CDH13: variants seen among roughly 807,000 people sequenced by gnomAD.
The protein encoded by CDH13 is cadherin-13.
CDH13 carries 24 observed loss-of-function variants against 63.8 expected under a neutral mutation model. That is an observed-to-expected ratio of 0.38 (90% CI 0.27 to 0.53). The LOEUF (loss-of-function observed/expected upper bound fraction) is 0.53, where lower values mean the gene tolerates loss of function less well. CDH13 is among the 20% of genes least tolerant of loss of function. The probability of loss-of-function intolerance (pLI) is 0.85; values close to 1 mark genes in which losing one functional copy is unlikely to be tolerated. For synonymous variants in CDH13, 503 were observed against 355.3 expected (o/e 1.42, Z -4.67); for missense variants, 1,049 against 903.1 (o/e 1.16, Z -2.07).
chr16:83,105,153 G>T (rs1276003555), intron 3 of CDH13, among the ~76,000 whole-genome samples: 1 of 152,124 alleles, frequency 6.6e-6, no homozygotes, highest in Non-Finnish European at 1.5e-5. Context: ...TTTAAGAGGA[G>T]GATCGATTTC....
chr16:83,102,919 TTTTTC>T (rs2034557813), intron 3 of CDH13, among the ~76,000 whole-genome samples: 1 of 108,176 alleles, frequency 9.2e-6, no homozygotes, highest in African/African-American at 3.9e-5. Flanking sequence ...TTCTTTTTTT[TTTTTC>T]TTTTTCTTTT....
chr16:82,777,695 G>A (rs894468707), intron 1 of CDH13, among the ~76,000 whole-genome samples: 5 of 152,148 alleles, frequency 3.3e-5, no homozygotes, highest in Non-Finnish European at 4.4e-5. Context: ...CATAATCAAG[G>A]CTAAAATCAA....
chr16:82,639,847 G>A (rs754202516), intron 1 of CDH13, among the ~76,000 whole-genome samples: 20 of 152,180 alleles, frequency 1.3e-4, no homozygotes, highest in Non-Finnish European at 2.4e-4. Context: ...ATCCTGTTCT[G>A]GTGGACAGAC....
chr16:83,619,664 C>T (rs1027613474), intron 8 of CDH13, among the ~76,000 whole-genome samples: 6 of 152,248 alleles, frequency 3.9e-5, no homozygotes, highest in African/African-American at 7.2e-5. Flanking sequence ...CTACACCTGG[C>T]TTCTCCCCGT....
intron 6 of CDH13, among the ~76,000 whole-genome samples, chr16:83,406,421 C>G (rs992585631): frequency 1.3e-5 from 2 of 149,516 alleles, no homozygotes; most frequent in African/African-American, 4.9e-5. Flanking sequence ...TTTCTTTCCC[C>G]CCCCGCCTCT....
intron 7 of CDH13, among the ~76,000 whole-genome samples, chr16:83,567,334 C>T (rs1274339281): frequency 6.6e-6 from 1 of 152,180 alleles, no homozygotes. Flanking sequence ...GGTGAACTCA[C>T]ACAGACTAGA....
At chr16:83,237,520 G>C (rs1287646193) in intron 5 of CDH13, among the ~76,000 whole-genome samples, 2 of 152,238 alleles carry the variant, frequency 1.3e-5, no homozygotes, top group Non-Finnish European at 2.9e-5. Flanking sequence ...TTGAGCATTT[G>C]AACTGCAGCT....
At chr16:83,389,070 C>G (rs1204831044) in intron 6 of CDH13, among the ~76,000 whole-genome samples, 1 of 152,164 alleles carries the variant, frequency 6.6e-6, no homozygotes, top group Non-Finnish European at 1.5e-5. Flanking sequence ...AACATGTGCC[C>G]CAGTGATTCT....
Position 83,751,950 on chromosome 16 carries a change from G to A in CDH13, c.1681+3700G>A, listed in dbSNP as rs542090052. ...GGAATAAGGAGAGATTTTGATTAGG[G>A]AGTTGCCCATGCAGAAGAGATGCGA... On this transcript the variant is annotated intron_variant, in intron 11 of 13. Coordinates refer to ENST00000567109, the MANE Select transcript of CDH13 (RefSeq NM_001257.5). Among the ~76,000 whole-genome samples the A allele has an allele frequency of 6.6e-5, 10 of 152,358 alleles. No individual in the cohort carries two copies. The South Asian group carries it at 1.9e-3, about 28-fold the overall frequency.
At chr16:83,456,846 C>T (rs1186576005) in intron 6 of CDH13, among the ~76,000 whole-genome samples, 6 of 152,130 alleles carry the variant, frequency 3.9e-5, no homozygotes, top group Admixed American at 6.5e-5. Flanking sequence ...CCTGTAATCC[C>T]AGCTACTCAG....
chr16:82,720,134 C>T (rs568743172), intron 1 of CDH13, among the ~76,000 whole-genome samples: 12 of 151,916 alleles, frequency 7.9e-5, no homozygotes, highest in Non-Finnish European at 1.3e-4. Flanking sequence ...GTAAGATAAT[C>T]GTTTGCTCAA....
chr16:83,055,520 C>T (rs532664085), intron 3 of CDH13, among the ~76,000 whole-genome samples: 1 of 151,556 alleles, frequency 6.6e-6, no homozygotes, highest in Admixed American at 6.6e-5. Context: ...CTGGCAAATT[C>T]TGTAAAATAA....
intron 7 of CDH13, among the ~76,000 whole-genome samples, chr16:83,524,410 C>A (rs977689674): frequency 2.7e-5 from 4 of 148,462 alleles, no homozygotes; most frequent in African/African-American, 7.5e-5. Context: ...AGCAGGTGGA[C>A]TGAGAGTCAT....
At chr16:83,766,426 C>G (rs1914391614) in intron 11 of CDH13, among the ~76,000 whole-genome samples, 1 of 152,210 alleles carries the variant, frequency 6.6e-6, no homozygotes, top group Non-Finnish European at 1.5e-5. Flanking sequence ...CCTAAGAATT[C>G]AAACATATGC....
chr16:83,363,823 A>C (rs2091208481), intron 6 of CDH13, among the ~76,000 whole-genome samples: 1 of 152,176 alleles, frequency 6.6e-6, no homozygotes, highest in South Asian at 2.1e-4. Flanking sequence ...TAGAGGAGTT[A>C]TTAAAGCCAC....
intron 1 of CDH13, among the ~76,000 whole-genome samples, chr16:82,664,864 T>C (rs1426149572): frequency 6.6e-6 from 1 of 152,230 alleles, no homozygotes; most frequent in Non-Finnish European, 1.5e-5. Flanking sequence ...TTTGTACATA[T>C]ATATTCTTAC....
chr16:83,214,042 A>G (rs2039419787), intron 4 of CDH13, among the ~76,000 whole-genome samples: 1 of 152,108 alleles, frequency 6.6e-6, no homozygotes, highest in Non-Finnish European at 1.5e-5. Context: ...GGGTGGGGAC[A>G]AATAAGGGAA....
chr16:83,212,575 T>C (rs144628355), intron 4 of CDH13, among the ~76,000 whole-genome samples: 135 of 152,294 alleles, frequency 8.9e-4, no homozygotes, highest in Non-Finnish European at 1.6e-3. Context: ...CTGTTAGTGT[T>C]ATATGTTTAA....
chr16:83,143,379 A>T (rs1324323785), intron 4 of CDH13, among the ~76,000 whole-genome samples: 1 of 152,220 alleles, frequency 6.6e-6, no homozygotes, highest in Non-Finnish European at 1.5e-5. Context: ...ATGTATTCAT[A>T]TACATACTAT....
Sources: gnomAD v4.1 joint callset for allele counts (sites outside exome capture counted in the v4.1 genomes callset) on GRCh38, gnomAD v4.1.1 for gene constraint, MANE v1.5 for transcripts, NCBI Gene and HGNC (gene_info 2026-07-23, HGNC 2026-07-21) for gene names.